Variants in DAB1 observed in about 807,000 individuals in gnomAD.
The protein encoded by DAB1 is disabled homolog 1.
A neutral mutation model predicts 64.6 loss-of-function variants in DAB1; 15 were observed. The observed-to-expected ratio is 0.23, with a 90% CI of 0.16 to 0.36. The LOEUF (loss-of-function observed/expected upper bound fraction) is 0.36. Among genes scored for constraint, DAB1 ranks in the 10% least tolerant of loss-of-function variants. DAB1 has a pLI of 1.00. For missense variants in DAB1, 596 were observed against 706.7 expected, an observed-to-expected ratio of 0.84 and a Z score of 1.78; for synonymous variants, 235 against 251.9, an observed-to-expected ratio of 0.93 and a Z score of 0.64.
intron 2 of DAB1, among the ~76,000 whole-genome samples, chr1:57,274,487 T>A (rs758679697): frequency 6.6e-6 from 1 of 152,202 alleles, no homozygotes; most frequent in South Asian, 2.1e-4. Context: ...AAGCGCTCAA[T>A]AAATACTAGC....
At chr1:57,914,176 C>T (rs904955185) in intron 5 of DAB1, among the ~76,000 whole-genome samples, 9 of 152,054 alleles carry the variant, frequency 5.9e-5, no homozygotes, top group Admixed American at 5.2e-4. Flanking sequence ...TTCACAATAG[C>T]AAAGACTTGG....
In DAB1 at chr1:56,995,767, T is replaced by C. The variant is rs1179242798; in HGVS notation, c.*2377A>G. 5 of 152,224 alleles carry C rather than the reference T, an allele frequency of 3.3e-5. No individual in the cohort carries two copies. The highest frequency in any genetic ancestry group is 6.5e-5 in the Admixed American group (1 of 15,290). 9.4% of individuals were successfully genotyped at this position (152,224 alleles called of 1,614,324 possible). A position where few individuals can be genotyped will look rare whatever the true frequency, so the allele number is the denominator to read the frequency against. Reference sequence around the variant, plus strand: ...ATAGGCAACAAAGCAATTTAAGCAATTTCCCATGGGAACTGCCTATCTTAC... The same window carrying C: ...ATAGGCAACAAAGCAATTTAAGCAACTTCCCATGGGAACTGCCTATCTTAC... On this transcript the variant is annotated 3_prime_UTR_variant, in exon 15 of 15. Transcript: ENST00000371236.
intron 3 of DAB1, among the ~76,000 whole-genome samples, chr1:58,486,616 C>A (rs1255736328): frequency 6.6e-6 from 1 of 152,152 alleles, no homozygotes; most frequent in East Asian, 1.9e-4. Flanking sequence ...AGGCCTTACA[C>A]ACTAGGGTAA....
intron 6 of DAB1, among the ~76,000 whole-genome samples, chr1:57,701,675 CT>C (rs1646909845): frequency 1.3e-5 from 2 of 151,450 alleles, no homozygotes; most frequent in African/African-American, 4.8e-5. Flanking sequence ...CATATGTACC[CT>C]AAAACTTAAA....
intron 1 of DAB1, chr1:58,539,254 T>C: frequency 1.2e-6 from 1 of 869,334 alleles, no homozygotes; most frequent in East Asian, 2.4e-5. Flanking sequence ...GAAGAAAACA[T>C]GGTTTCTAGC....
At chr1:57,273,549 GCCTGCCTT>G (rs1178766469) in intron 2 of DAB1, among the ~76,000 whole-genome samples, 2,381 of 72,998 alleles carry the variant, frequency 0.033, 38 homozygotes, top group South Asian at 0.056. Context: ...CTGCCTGCCT[GCCTGCCTT>G]CCTTCCTTCC....
In DAB1 at chr1:57,695,385, A is replaced by AAAG. The variant is rs1557427867; in HGVS notation, n.552-45723_552-45721dup. Among the ~76,000 whole-genome samples, 69 of 74,154 alleles carry AAAG rather than the reference A, an allele frequency of 9.3e-4. 1 individual carries two copies. Among genetic ancestry groups the AAAG allele is most frequent in the Non-Finnish European group, 1.4e-3 (47 of 33,698 alleles). 48.6% of individuals were successfully genotyped at this position (74,154 alleles called of 152,430 possible). A position where few individuals can be genotyped will look rare whatever the true frequency, so the allele number is the denominator to read the frequency against. On this transcript the variant is annotated intron_variant and non_coding_transcript_variant, in intron 6 of 20. Transcript: ENST00000485760. ...AGAAGAAAGAAAGAAAGAAAGAAAG[A>AAAG]AAGAAAGAAAGAAAGAAAGAAAGAA...
intron 7 of DAB1, among the ~76,000 whole-genome samples, chr1:57,450,275 G>A (rs996325474): frequency 6.6e-6 from 1 of 152,190 alleles, no homozygotes; most frequent in African/African-American, 2.4e-5. Context: ...TGATGGCAGA[G>A]GGGCAAAGAA....
chr1:57,861,405 C>G (rs1461288929), intron 1 of DAB1, among the ~76,000 whole-genome samples: 1 of 152,192 alleles, frequency 6.6e-6, no homozygotes, highest in East Asian at 1.9e-4. Context: ...GTTGTCTAGC[C>G]TCTTCTTACA....
intron 3 of DAB1, among the ~76,000 whole-genome samples, chr1:58,357,522 A>G (rs1156590360): frequency 1.3e-5 from 2 of 152,176 alleles, no homozygotes; most frequent in Admixed American, 1.3e-4. Flanking sequence ...GGGCATTTAG[A>G]TGCACGGATC....
chr1:57,974,796 T>C (rs1028146048), intron 5 of DAB1, among the ~76,000 whole-genome samples: 15 of 152,088 alleles, frequency 9.9e-5, no homozygotes, highest in Non-Finnish European at 1.9e-4. Flanking sequence ...GTATACCACA[T>C]ACAAAAATAC....
intron 2 of DAB1, among the ~76,000 whole-genome samples, chr1:57,230,749 T>A (rs572879471): frequency 3.4e-4 from 52 of 152,302 alleles, no homozygotes; most frequent in African/African-American, 1.2e-3. Context: ...TATTTATCTT[T>A]GTGTTTGGAA....
At chr1:57,949,976 G>T (rs1397818324) in intron 5 of DAB1, among the ~76,000 whole-genome samples, 1 of 152,150 alleles carries the variant, frequency 6.6e-6, no homozygotes, top group Non-Finnish European at 1.5e-5. Flanking sequence ...AGACTATCAT[G>T]TTGTCCCAAG....
chr1:58,515,575 TAATG>T (rs1421432488), intron 2 of DAB1, among the ~76,000 whole-genome samples: 2 of 152,192 alleles, frequency 1.3e-5, no homozygotes, highest in Non-Finnish European at 2.9e-5. Flanking sequence ...AAGTTCCAAA[TAATG>T]TATGCATTAT....
upstream of DAB1, among the ~76,000 whole-genome samples, chr1:57,887,072 C>T (rs1644234574): frequency 6.6e-6 from 1 of 152,166 alleles, no homozygotes; most frequent in Non-Finnish European, 1.5e-5. Flanking sequence ...TGCCTCCTCC[C>T]ACCCTCACAC....
chr1:58,233,254 T>C (rs530502824), intron 4 of DAB1, among the ~76,000 whole-genome samples: 68 of 152,318 alleles, frequency 4.5e-4, no homozygotes, highest in Admixed American at 1.2e-3. Flanking sequence ...TGAGCATTGA[T>C]TATGCTGATA....
Position 57,452,532 on chromosome 1 carries a change from C to T in DAB1, n.626-161366G>A, listed in dbSNP as rs74453402. Among the ~76,000 whole-genome samples, 672 of 152,048 alleles carry T rather than the reference C, an allele frequency of 4.4e-3. 3 individuals carry two copies. The highest frequency in any genetic ancestry group is 0.016 in the African/African-American group (645 of 41,486). ...AGTTGGGAAATGAAAACAACCTGAA[C>T]GTTTTATCTCTGCCCCAGGGATAGA... On this transcript the variant is annotated intron_variant and non_coding_transcript_variant, in intron 7 of 20. Transcript: ENST00000485760.
At chr1:57,845,360 G>T (rs1293305726) in intron 1 of DAB1, among the ~76,000 whole-genome samples, 1 of 152,276 alleles carries the variant, frequency 6.6e-6, no homozygotes, top group Non-Finnish European at 1.5e-5. Flanking sequence ...AAAGGAGAAA[G>T]AATTATGGGG....
In DAB1 at chr1:57,305,538, C is replaced by T. The variant is rs569815290; in HGVS notation, c.-136-14372G>A. 1.2e-4 allele frequency among the ~76,000 whole-genome samples: 19 copies of T among 152,270 alleles called. No individual in the cohort carries two copies. The South Asian group carries it at 3.5e-3, about 28-fold the overall frequency. On this transcript the variant is annotated intron_variant, in intron 1 of 14. Transcript: ENST00000371236. ...AGCCCCTGGAGGGGTGAGCAGAAGA[C>T]AACCAAAGGCCCAGGTGAAGCCCTC...
Sources: gnomAD v4.1 joint callset for allele counts (sites outside exome capture counted in the v4.1 genomes callset) on GRCh38, gnomAD v4.1.1 for gene constraint, MANE v1.5 for transcripts, NCBI Gene and HGNC (gene_info 2026-07-23, HGNC 2026-07-21) for gene names.